GALNT17: variants seen among roughly 807,000 people sequenced by gnomAD.
The protein encoded by GALNT17 is polypeptide N-acetylgalactosaminyltransferase 17, also known as UDP-GalNAc:polypeptide N-acetylgalactosaminyltransferase-like 3.
A neutral mutation model predicts 63.7 loss-of-function variants in GALNT17; 29 were observed. That is an observed-to-expected ratio of 0.46 (90% CI 0.34 to 0.62). The LOEUF (loss-of-function observed/expected upper bound fraction) is 0.62, where lower values mean the gene tolerates loss of function less well. Ranked by LOEUF, GALNT17 falls within the 20% of genes least tolerant of loss-of-function variation. The pLI is 0.01. For synonymous variants in GALNT17, 305 were observed against 318.3 expected, an observed-to-expected ratio of 0.96 and a Z score of 0.45; for missense variants, 603 against 799.6, an observed-to-expected ratio of 0.75 and a Z score of 2.97.
At chr7:71,332,522 C>T (rs910259087) in intron 1 of GALNT17, among the ~76,000 whole-genome samples, 4 of 152,112 alleles carry the variant, frequency 2.6e-5, no homozygotes, top group Admixed American at 2.6e-4. Context: ...TGCAAGGTCA[C>T]CTATATATTT....
intron 7 of GALNT17, among the ~76,000 whole-genome samples, chr7:71,667,408 C>T (rs1218482153): frequency 6.6e-6 from 1 of 152,168 alleles, no homozygotes; most frequent in African/African-American, 2.4e-5. Context: ...TGAGCACTTA[C>T]TATGTCCCAG....
At chr7:71,568,963 AATTGATTG>A (rs35988064) in intron 5 of GALNT17, among the ~76,000 whole-genome samples, 2 of 152,122 alleles carry the variant, frequency 1.3e-5, no homozygotes, top group South Asian at 4.2e-4. Flanking sequence ...ATGATTTATC[AATTGATTG>A]ATTGATTGAT....
At chr7:71,566,471 T>A (rs1789348892) in intron 5 of GALNT17, among the ~76,000 whole-genome samples, 1 of 152,094 alleles carries the variant, frequency 6.6e-6, no homozygotes, top group Non-Finnish European at 1.5e-5. Context: ...AATTGCTTGA[T>A]GTGCTCAGAA....
At chr7:71,388,988 G>A (rs895706530) in intron 3 of GALNT17, among the ~76,000 whole-genome samples, 1 of 152,150 alleles carries the variant, frequency 6.6e-6, no homozygotes, top group Non-Finnish European at 1.5e-5. Context: ...GAGAGCAAGC[G>A]AAGCTTCATT....
chr7:71,599,311 A>G (rs1281153552), intron 6 of GALNT17, among the ~76,000 whole-genome samples: 1 of 152,086 alleles, frequency 6.6e-6, no homozygotes, highest in Admixed American at 6.5e-5. Flanking sequence ...GCTTTCTTTT[A>G]TTTAAAGGTT....
At chr7:71,317,031 C>T (rs964094406) in intron 1 of GALNT17, among the ~76,000 whole-genome samples, 7 of 152,172 alleles carry the variant, frequency 4.6e-5, no homozygotes, top group African/African-American at 1.7e-4. Flanking sequence ...AGTGAAATAT[C>T]CCAACTGTTT....
chr7:71,145,114 G>A (rs1787993467), intron 1 of GALNT17, among the ~76,000 whole-genome samples: 1 of 152,134 alleles, frequency 6.6e-6, no homozygotes, highest in African/African-American at 2.4e-5. Context: ...GGATGAAATT[G>A]TCAGGATGTG....
intron 5 of GALNT17, among the ~76,000 whole-genome samples, chr7:71,566,142 C>T (rs1009685443): frequency 3.9e-5 from 6 of 151,960 alleles, no homozygotes; most frequent in Middle Eastern, 3.4e-3. Context: ...CCCAAAGTGC[C>T]GGGATTACAC....
chr7:71,304,958 C>T (rs2115901399), intron 1 of GALNT17, among the ~76,000 whole-genome samples: 1 of 152,166 alleles, frequency 6.6e-6, no homozygotes, highest in East Asian at 1.9e-4. Flanking sequence ...TTGGCCATGG[C>T]TGGCCTCCGT....
At chr7:71,282,491 A>C (rs1483108651) in intron 1 of GALNT17, among the ~76,000 whole-genome samples, 2 of 152,270 alleles carry the variant, frequency 1.3e-5, no homozygotes, top group African/African-American at 4.8e-5. Flanking sequence ...TCAGGCACAT[A>C]GCAGATGCCC....
chr7:71,402,822 A>ATACC (rs1793262924), intron 3 of GALNT17, among the ~76,000 whole-genome samples: 1 of 152,078 alleles, frequency 6.6e-6, no homozygotes, highest in South Asian at 2.1e-4. Flanking sequence ...TTTCCAAGAG[A>ATACC]TAACATTCTT....
At chr7:71,416,798 A>G (rs1280035004) in intron 4 of GALNT17, among the ~76,000 whole-genome samples, 1 of 152,158 alleles carries the variant, frequency 6.6e-6, no homozygotes, top group Non-Finnish European at 1.5e-5. Context: ...CTACTCAGGT[A>G]AAGCTCCCCA....
At chr7:71,169,752 C>T (rs1788510860) in intron 1 of GALNT17, among the ~76,000 whole-genome samples, 1 of 152,046 alleles carries the variant, frequency 6.6e-6, no homozygotes, top group Non-Finnish European at 1.5e-5. Flanking sequence ...GACGGGGTTT[C>T]ACCATGTTGT....
chr7:71,133,080 CG>C, intron 1 of GALNT17, 40 bp downstream of exon 1: 1 of 1,471,654 alleles, frequency 6.8e-7, no homozygotes, highest in Non-Finnish European at 9.0e-7. Context: ...TCGACGCGGG[CG>C]GGCCGGGCAC....
intron 2 of GALNT17, among the ~76,000 whole-genome samples, chr7:71,380,253 C>T (rs1792819923): frequency 6.6e-6 from 1 of 151,890 alleles, no homozygotes. Context: ...AGAAGGGAGA[C>T]AGGGAGGGAA....
intron 1 of GALNT17, among the ~76,000 whole-genome samples, chr7:71,303,957 A>C (rs922317268): frequency 4.6e-5 from 7 of 152,176 alleles, no homozygotes; most frequent in Non-Finnish European, 1.0e-4. Flanking sequence ...GACTGCAAAC[A>C]ATCGGCTTTT....
intron 5 of GALNT17, among the ~76,000 whole-genome samples, chr7:71,538,884 G>A (rs988259649): frequency 8.6e-5 from 13 of 151,840 alleles, no homozygotes; most frequent in African/African-American, 3.1e-4. Flanking sequence ...GAGGGAGGGA[G>A]GGAAAGAGGG....
intron 5 of GALNT17, among the ~76,000 whole-genome samples, chr7:71,488,005 A>G (rs1220245212): frequency 1.3e-5 from 2 of 152,080 alleles, no homozygotes; most frequent in Non-Finnish European, 2.9e-5. Flanking sequence ...CCCTGTCTGT[A>G]TAACAAGTTT....
At chr7:71,190,761 A>T (rs955221175) in intron 1 of GALNT17, among the ~76,000 whole-genome samples, 16 of 151,976 alleles carry the variant, frequency 1.1e-4, no homozygotes, top group African/African-American at 3.4e-4. Flanking sequence ...CCTACCGAGT[A>T]TCAGGGACTA....
Sources: allele counts gnomAD v4.1 joint callset (sites outside exome capture counted in the v4.1 genomes callset), GRCh38; gene constraint gnomAD v4.1.1; transcripts MANE v1.5; gene names NCBI Gene and HGNC (gene_info 2026-07-23, HGNC 2026-07-21).